The following C9orf85 variants were observed in gnomAD, a reference collection of about 807,000 sequenced individuals.
C9orf85 encodes uncharacterized protein C9orf85.
Under a neutral mutation model 14.9 loss-of-function variants are expected in C9orf85, and 16 were observed. The ratio of observed to expected loss-of-function variants is 1.08; its 90% confidence interval spans 0.73 to 1.63. C9orf85 has a LOEUF of 1.63. Ranked by LOEUF, C9orf85 falls within the 40% of genes most tolerant of loss-of-function variation. The pLI, the probability that C9orf85 is intolerant of heterozygous loss-of-function variation, is 0.00. For synonymous variants in C9orf85, 45 were observed against 56.8 expected, an observed-to-expected ratio of 0.79 and a Z score of 0.93; for missense variants, 172 against 186.1, an observed-to-expected ratio of 0.92 and a Z score of 0.44.
rs549362961 is a variant in C9orf85 at position 71,979,935 on chromosome 9, A to G, written c.324-2722A>G. Among the ~76,000 whole-genome samples, 22 of 152,262 alleles carry G rather than the reference A, an allele frequency of 1.4e-4. No individual in the cohort carries two copies. The East Asian group carries it at 3.7e-3, about 25-fold the overall frequency. Reference sequence around the variant, plus strand: ...AAATAAATTTTTAGCATAATTCAGTATGACCTTATGTATTCCACTTTTTAT... The same window carrying G: ...AAATAAATTTTTAGCATAATTCAGTGTGACCTTATGTATTCCACTTTTTAT... On this transcript the variant is annotated intron_variant, in intron 3 of 3. Transcript: ENST00000377031.
At chr9:71,976,518 C>T (rs1159401229), downstream of C9orf85, among the ~76,000 whole-genome samples, 3 of 151,918 alleles carry the variant, frequency 2.0e-5, no homozygotes, top group African/African-American at 4.8e-5. Context: ...AAAAATTAGC[C>T]GGGCGTGGTG....
intron 1 of C9orf85, among the ~76,000 whole-genome samples, chr9:71,941,480 G>C (rs1821928543): frequency 6.6e-6 from 1 of 152,102 alleles, no homozygotes; most frequent in Non-Finnish European, 1.5e-5. Context: ...ATTTAAACTG[G>C]ATATAGTTAA....
intron 2 of C9orf85, among the ~76,000 whole-genome samples, chr9:71,952,376 A>G (rs191592022): frequency 2.6e-5 from 4 of 151,148 alleles, no homozygotes; most frequent in East Asian, 2.0e-4. Context: ...TATTCATTCT[A>G]TTTTTTGAGA....
intron 1 of C9orf85, among the ~76,000 whole-genome samples, chr9:71,935,813 T>C (rs535554910): frequency 2.6e-5 from 4 of 152,258 alleles, no homozygotes; most frequent in African/African-American, 9.6e-5. Flanking sequence ...GTGGTGATGG[T>C]TGTACAATAT....
chr9:71,968,111 G>GAGAT, intron 2 of C9orf85, among the ~76,000 whole-genome samples: 1 of 149,962 alleles, frequency 6.7e-6, no homozygotes, highest in Admixed American at 6.7e-5. Flanking sequence ...TAGAGAGAGA[G>GAGAT]AGAGAGAGTG....
At chr9:71,972,613 T>C in intron 3 of C9orf85, 79 bp from the exon 4 acceptor site, 2 of 1,040,336 alleles carry the variant, frequency 1.9e-6, no homozygotes, top group Non-Finnish European at 1.4e-6. Context: ...AGAAGTGTAG[T>C]GGTAAAAGTC....
chr9:71,954,644 G>A (rs1465463218), intron 2 of C9orf85, among the ~76,000 whole-genome samples: 1 of 152,110 alleles, frequency 6.6e-6, no homozygotes, highest in Non-Finnish European at 1.5e-5. Context: ...GGAGTGTAGC[G>A]GTGAGGACAA....
intron 1 of C9orf85, among the ~76,000 whole-genome samples, chr9:71,932,563 A>G (rs1241959030): frequency 1.3e-5 from 2 of 152,190 alleles, no homozygotes; most frequent in African/African-American, 4.8e-5. Flanking sequence ...TTTTCTGTGT[A>G]ACCATTTATT....
At chr9:71,914,621 T>G (rs773327471) in intron 1 of C9orf85, among the ~76,000 whole-genome samples, 2 of 152,218 alleles carry the variant, frequency 1.3e-5, no homozygotes, top group African/African-American at 4.8e-5. Flanking sequence ...GCACTCATTC[T>G]CAAAAGGACA....
intron 3 of C9orf85, among the ~76,000 whole-genome samples, chr9:71,972,009 A>G (rs1259745967): frequency 6.6e-6 from 1 of 151,182 alleles, no homozygotes; most frequent in East Asian, 1.9e-4. Context: ...ATGATCCGTG[A>G]TCCATAACCC....
intron 1 of C9orf85, among the ~76,000 whole-genome samples, chr9:71,918,065 C>T (rs546256102): frequency 1.1e-4 from 16 of 152,104 alleles, no homozygotes; most frequent in Admixed American, 2.0e-4. Flanking sequence ...CGCCTGTAAT[C>T]CCAGCTATTT....
chr9:71,937,813 A>AT (rs1828228207), intron 1 of C9orf85, among the ~76,000 whole-genome samples: 1 of 152,114 alleles, frequency 6.6e-6, no homozygotes, highest in Non-Finnish European at 1.5e-5. Flanking sequence ...ATATTGATAT[A>AT]TGTGTGCATA....
intron 2 of C9orf85, among the ~76,000 whole-genome samples, chr9:71,951,075 G>A (rs898574350): frequency 6.6e-5 from 10 of 152,188 alleles, no homozygotes; most frequent in Admixed American, 2.0e-4. Context: ...TACTGCGTTC[G>A]TAGCTGACAG....
intron 3 of C9orf85, among the ~76,000 whole-genome samples, chr9:71,980,509 A>G (rs1320264772): frequency 6.6e-5 from 10 of 152,120 alleles, no homozygotes; most frequent in Non-Finnish European, 1.3e-4. Flanking sequence ...AGGATATTAC[A>G]ACATGTCCGC....
chr9:71,954,807 A>C (rs1273183503), intron 2 of C9orf85, among the ~76,000 whole-genome samples: 1 of 152,138 alleles, frequency 6.6e-6, no homozygotes, highest in Admixed American at 6.5e-5. Flanking sequence ...ACCATCTGGG[A>C]ATGCAGCCCA....
chr9:71,968,805 A>G (rs1350581087), intron 2 of C9orf85, among the ~76,000 whole-genome samples: 1 of 152,196 alleles, frequency 6.6e-6, no homozygotes, highest in Admixed American at 6.5e-5. Context: ...TGACGCAGGT[A>G]GCCTCTACTG....
At chr9:71,914,451 T>C (rs1827593502) in intron 1 of C9orf85, among the ~76,000 whole-genome samples, 2 of 152,182 alleles carry the variant, frequency 1.3e-5, no homozygotes, top group African/African-American at 4.8e-5. Flanking sequence ...CTTAGAGGAC[T>C]GTAGTAACAA....
At chr9:71,943,153 G>A (rs1821983653) in intron 1 of C9orf85, among the ~76,000 whole-genome samples, 1 of 152,144 alleles carries the variant, frequency 6.6e-6, no homozygotes, top group Non-Finnish European at 1.5e-5. Flanking sequence ...TAGGAGAAGA[G>A]TACTGCAGGG....
intron 1 of C9orf85, among the ~76,000 whole-genome samples, chr9:71,925,451 CAGTA>C (rs1307198677): frequency 6.6e-6 from 1 of 152,004 alleles, no homozygotes; most frequent in African/African-American, 2.4e-5. Flanking sequence ...CCCCAAATCT[CAGTA>C]AGAAGAAAAA....
Sources: allele counts gnomAD v4.1 joint callset (sites outside exome capture counted in the v4.1 genomes callset), GRCh38; gene constraint gnomAD v4.1.1; transcripts MANE v1.5; gene names NCBI Gene and HGNC (gene_info 2026-07-23, HGNC 2026-07-21).